ARHGEF38: variants seen among roughly 807,000 people sequenced by gnomAD.
ARHGEF38 encodes the protein Rho guanine nucleotide exchange factor (GEF) 38.
In ARHGEF38, 79 loss-of-function variants were observed where a neutral mutation model predicts 79.9. The observed-to-expected ratio is 0.99, with a 90% CI of 0.82 to 1.19. ARHGEF38 has a LOEUF of 1.19. Ranked by LOEUF, ARHGEF38 falls within the 50% of genes most tolerant of loss-of-function variation. The pLI, the probability that ARHGEF38 is intolerant of heterozygous loss-of-function variation, is 0.00. For missense variants in ARHGEF38, 962 were observed against 907.2 expected, an observed-to-expected ratio of 1.06 and a Z score of -0.78; for synonymous variants, 366 against 328.3, an observed-to-expected ratio of 1.11 and a Z score of -1.24.
intron 4 of ARHGEF38, among the ~76,000 whole-genome samples, chr4:105,635,178 G>T (rs936130996): frequency 2.0e-5 from 3 of 152,072 alleles, no homozygotes; most frequent in South Asian, 4.1e-4. Context: ...TCCCATAAAA[G>T]GGTAAATGGA....
intron 13 of ARHGEF38, among the ~76,000 whole-genome samples, chr4:105,672,556 G>T (rs1730990288): frequency 6.6e-6 from 1 of 152,054 alleles, no homozygotes; most frequent in Admixed American, 6.5e-5. Context: ...CTCTCCTTTT[G>T]TCCATCAAAT....
chr4:105,559,611 A>T (rs1167060681), intron 1 of ARHGEF38, among the ~76,000 whole-genome samples: 1 of 152,168 alleles, frequency 6.6e-6, no homozygotes, highest in Non-Finnish European at 1.5e-5. Context: ...TTGTTATAAA[A>T]TATATTTATC....
chr4:105,579,986 C>A (rs375449964), intron 1 of ARHGEF38, among the ~76,000 whole-genome samples: 2 of 152,198 alleles, frequency 1.3e-5, no homozygotes, highest in African/African-American at 2.4e-5. Flanking sequence ...AGGAATTTAT[C>A]CATTTCATCT....
intron 5 of ARHGEF38, among the ~76,000 whole-genome samples, chr4:105,643,448 G>T (rs1729705178): frequency 6.6e-6 from 1 of 152,006 alleles, no homozygotes; most frequent in African/African-American, 2.4e-5. Context: ...AAAAAATGTT[G>T]CCTTTGGGTT....
intron 1 of ARHGEF38, among the ~76,000 whole-genome samples, 190 bp downstream of exon 1, chr4:105,553,151 A>G (rs953425544): frequency 3.3e-5 from 5 of 152,208 alleles, no homozygotes; most frequent in African/African-American, 9.6e-5. Context: ...ACGTGATTCA[A>G]TGTTAAAGAG....
At chr4:105,626,803 T>G (rs76908095) in intron 3 of ARHGEF38, among the ~76,000 whole-genome samples, 8,452 of 151,894 alleles carry the variant, frequency 0.056, 263 homozygotes, top group Middle Eastern at 0.079. Flanking sequence ...TCCTTAATGT[T>G]GCACAAGGCC....
Position 105,628,708 on chromosome 4 carries a change from CAT to C in ARHGEF38, c.509-2189_509-2188del, listed in dbSNP as rs138550680. On this transcript the variant is annotated intron_variant, in intron 3 of 13. Transcript: ENST00000420470. The stretch of plus-strand genomic sequence containing the variant: ...ACAAAAATCTTAAAACACACACACA[CAT>C]GCACACAAACACACACACACTCACA... Among the ~76,000 whole-genome samples the C allele has an allele frequency of 4.1e-3, 618 of 152,260 alleles. 2 individuals are homozygous for C. Among genetic ancestry groups the C allele is most frequent in the African/African-American group, 0.014 (589 of 41,534 alleles).
intron 5 of ARHGEF38, among the ~76,000 whole-genome samples, chr4:105,641,658 A>T (rs553132820): frequency 2.0e-5 from 3 of 151,848 alleles, no homozygotes; most frequent in Non-Finnish European, 4.4e-5. Flanking sequence ...TTACATAATT[A>T]TTCTTTTTTT....
intron 2 of ARHGEF38, among the ~76,000 whole-genome samples, chr4:105,605,016 G>C (rs1302720905): frequency 6.6e-6 from 1 of 151,892 alleles, no homozygotes; most frequent in Non-Finnish European, 1.5e-5. Context: ...AAATATACTA[G>C]CCCTCCAGCT....
chr4:105,659,849 TTGTGTGTGTGTGTG>T (rs59465723), intron 10 of ARHGEF38, among the ~76,000 whole-genome samples: 10 of 133,234 alleles, frequency 7.5e-5, no homozygotes, highest in South Asian at 2.4e-4. Flanking sequence ...AAGCCTGGTT[TTGTGTGTGTGTGTG>T]TGTGTGTGTG....
chr4:105,556,505 G>T (rs1725258270), intron 1 of ARHGEF38, among the ~76,000 whole-genome samples: 1 of 152,122 alleles, frequency 6.6e-6, no homozygotes, highest in African/African-American at 2.4e-5. Flanking sequence ...AATGGTAAGG[G>T]TAGGGATGAG....
intron 3 of ARHGEF38, among the ~76,000 whole-genome samples, chr4:105,619,386 C>T (rs567358792): frequency 2.0e-5 from 3 of 151,928 alleles, no homozygotes; most frequent in Admixed American, 6.6e-5. Flanking sequence ...CACCAACTGA[C>T]GGGAAACATA....
At chr4:105,672,531 C>T (rs1418216400) in intron 13 of ARHGEF38, among the ~76,000 whole-genome samples, 3 of 152,168 alleles carry the variant, frequency 2.0e-5, no homozygotes, top group Non-Finnish European at 4.4e-5. Context: ...ATATGCCTTC[C>T]CATTCTAATG....
At chr4:105,582,377 C>T (rs1206387963) in intron 1 of ARHGEF38, among the ~76,000 whole-genome samples, 1 of 151,056 alleles carries the variant, frequency 6.6e-6, no homozygotes, top group African/African-American at 2.4e-5. Flanking sequence ...TGAATTTAAG[C>T]CTATAAATTT....
chr4:105,655,266 C>T (rs554183588), intron 8 of ARHGEF38, among the ~76,000 whole-genome samples: 11 of 152,150 alleles, frequency 7.2e-5, no homozygotes, highest in Admixed American at 1.3e-4. Context: ...CTAAGGAAAA[C>T]TGATGAATTT....
intron 1 of ARHGEF38, among the ~76,000 whole-genome samples, chr4:105,567,945 A>G (rs1331637126): frequency 3.5e-5 from 2 of 57,484 alleles, no homozygotes; most frequent in Non-Finnish European, 6.5e-5. Flanking sequence ...CCCCCACCCC[A>G]CAACAGTCCC....
At chr4:105,558,809 A>G (rs960387358) in intron 1 of ARHGEF38, among the ~76,000 whole-genome samples, 23 of 138,160 alleles carry the variant, frequency 1.7e-4, no homozygotes, top group African/African-American at 6.2e-4. Context: ...CACAATTTCT[A>G]GTTGTGCTTT....
chr4:105,654,036 T>C, intron 7 of ARHGEF38, 29 bp from the exon 8 acceptor site: 1 of 1,254,476 alleles, frequency 8.0e-7, no homozygotes, highest in Non-Finnish European at 1.1e-6. Context: ...TTCATTTGAG[T>C]TATGAAAATA....
intron 3 of ARHGEF38, among the ~76,000 whole-genome samples, chr4:105,629,464 C>G (rs1448088567): frequency 6.6e-6 from 1 of 151,904 alleles, no homozygotes; most frequent in African/African-American, 2.4e-5. Context: ...ACTAAGGGCA[C>G]TTTTATTTCT....
Sources: allele counts gnomAD v4.1 joint callset (sites outside exome capture counted in the v4.1 genomes callset), GRCh38; gene constraint gnomAD v4.1.1; transcripts MANE v1.5; gene names NCBI Gene and HGNC (gene_info 2026-07-23, HGNC 2026-07-21).